Variants in RGMA observed in about 807,000 individuals in gnomAD.
RGMA encodes repulsive guidance molecule BMP co-receptor a.
Under a neutral mutation model 23.2 loss-of-function variants are expected in RGMA, and 10 were observed. The ratio of observed to expected loss-of-function variants is 0.43; its 90% CI spans 0.27 to 0.73. RGMA has a LOEUF of 0.73. Among genes scored for constraint, RGMA ranks in the 30% least tolerant of loss-of-function variants. The pLI, the probability that RGMA is intolerant of heterozygous loss-of-function variation, is 0.20. For synonymous variants in RGMA, 308 were observed against 279.3 expected, an observed-to-expected ratio of 1.10 and a Z score of -1.03; for missense variants, 547 against 630.5, an observed-to-expected ratio of 0.87 and a Z score of 1.42.
At chr15:93,047,354 T>C (rs1281851703) in intron 3 of RGMA, among the ~76,000 whole-genome samples, 2 of 152,164 alleles carry the variant, frequency 1.3e-5, no homozygotes, top group Non-Finnish European at 2.9e-5. Flanking sequence ...CCATGGGAGC[T>C]CTGGGTGCCT....
intron 2 of RGMA, among the ~76,000 whole-genome samples, chr15:93,071,858 A>T (rs1266182677): frequency 6.6e-6 from 1 of 152,074 alleles, no homozygotes; most frequent in East Asian, 1.9e-4. Context: ...ACAAGATGAA[A>T]TTTTTTCAAA....
intron 3 of RGMA, among the ~76,000 whole-genome samples, chr15:93,050,719 G>A (rs1014961333): frequency 2.0e-5 from 3 of 152,174 alleles, no homozygotes; most frequent in African/African-American, 2.4e-5. Context: ...CACCCCCTGG[G>A]GTCTGGAGGA....
In RGMA at chr15:93,044,972, C is replaced by CCG. The variant is rs1567177109; in HGVS notation, c.*24_*25dup. 2 of 1,556,628 alleles carry CCG rather than the reference C, an allele frequency of 1.3e-6. No homozygotes were observed. Among genetic ancestry groups the CCG allele is most frequent in the Admixed American group, 3.7e-5 (2 of 54,412 alleles). On this transcript the variant is annotated 3_prime_UTR_variant, in exon 4 of 4. Coordinates refer to ENST00000329082, the MANE Select transcript of RGMA (RefSeq NM_020211.3). ...CATGGGGAAGCCGAGAGGACGGAGC[C>CCG]CGCGCCTCCCTCCACATCTACGCGT...
In RGMA at chr15:93,038,569, G is replaced by GTTGTTGTTTTTTTTTTTTTTTT. The variant is rs1471553159; in HGVS notation, c.*6428_*6429insAAAAAAAAAAAAAAAACAACAA. On this transcript the variant is annotated 3_prime_UTR_variant, in exon 4 of 4. Coordinates refer to ENST00000329082, the MANE Select transcript of RGMA (RefSeq NM_020211.3). ...GCCTTAATGAACGAAACTGTTAGTT[G>GTTGTTGTTTTTTTTTTTTTTTT]TTTTTTTTTTTTTTTTGAGACGGTG... 1.0e-5 allele frequency: 1 copy of GTTGTTGTTTTTTTTTTTTTTTT among 100,224 alleles called. No individual in the cohort carries two copies. The highest frequency in any genetic ancestry group is 3.2e-5 in the African/African-American group (1 of 30,862). 6.2% of individuals were successfully genotyped at this position (100,224 alleles called of 1,614,324 possible).
chr15:93,049,095 G>A (rs1404422763), intron 3 of RGMA, among the ~76,000 whole-genome samples: 1 of 152,248 alleles, frequency 6.6e-6, no homozygotes, highest in Non-Finnish European at 1.5e-5. Flanking sequence ...TCGAAAGCTG[G>A]CGGCTCGCTG....
rs982203827 is a variant in RGMA, at chr15:93,045,541, C to T, written c.810G>A (p.Val270=). Reference sequence around the variant, plus strand: ...TGCCGATGTACTTGGCCTGGATCTCCACGTGCTGGCCTGACACCTTCTCAG... The same window carrying T: ...TGCCGATGTACTTGGCCTGGATCTCTACGTGCTGGCCTGACACCTTCTCAG... The part of the protein sequence containing the change: ...KITEKVSGQH[V]EIQAKYIGTT... The change falls in exon 4 of 4, where the codon GTG becomes GTA. Residue 270 remains valine (V), a synonymous_variant. Transcript: ENST00000329082. This position sits in a 1 kb window ranked among gnomAD's most constrained non-coding sequence, Gnocchi z 6.9. The T allele has an allele frequency of 6.2e-7, 1 of 1,613,200 alleles. No homozygotes were observed. The highest frequency in any genetic ancestry group is 8.5e-7 in the Non-Finnish European group (1 of 1,179,892).
Position 93,040,052 on chromosome 15 carries a change from T to A in RGMA, c.*4946A>T, listed in dbSNP as rs1218671376. ...GCAAGATCCTGTCTCTCCAAAAAAATTTAACAATTAGCCGGGTGTGACGGC... is the reference window on the plus strand; with the variant it reads ...GCAAGATCCTGTCTCTCCAAAAAAAATTAACAATTAGCCGGGTGTGACGGC... On this transcript the variant is annotated 3_prime_UTR_variant, in exon 4 of 4. Transcript: ENST00000329082. 1.3e-5 allele frequency: 2 copies of A among 152,044 alleles called. No individual in the cohort carries two copies. Among genetic ancestry groups the A allele is most frequent in the African/African-American group, 4.8e-5 (2 of 41,372 alleles). 9.4% of individuals were successfully genotyped at this position (152,044 alleles called of 1,614,324 possible). A position where few individuals can be genotyped will look rare whatever the true frequency, so the allele number is the denominator to read the frequency against.
chr15:93,051,012 G>A (rs2054909598), intron 3 of RGMA, among the ~76,000 whole-genome samples: 1 of 152,316 alleles, frequency 6.6e-6, no homozygotes, highest in African/African-American at 2.4e-5. Flanking sequence ...AGGGTGGAGT[G>A]TACCGGCTGC....
intron 3 of RGMA, among the ~76,000 whole-genome samples, chr15:93,049,101 C>A (rs186619564): frequency 0.012 from 1,793 of 152,320 alleles, 36 homozygotes; most frequent in African/African-American, 0.04. Flanking sequence ...GCTGGCGGCT[C>A]GCTGCCAACA....
At chr15:93,063,644 A>C (rs1239820097) in intron 2 of RGMA, among the ~76,000 whole-genome samples, 1 of 152,138 alleles carries the variant, frequency 6.6e-6, no homozygotes, top group African/African-American at 2.4e-5. Context: ...TTTAACCTAC[A>C]AGCAGCCAGA....
At chr15:93,072,819 G>C in intron 2 of RGMA, 97 bp downstream of exon 2, 1 of 1,349,514 alleles carries the variant, frequency 7.4e-7, no homozygotes, top group Non-Finnish European at 1.0e-6. Flanking sequence ...GAGGAGGTCC[G>C]GAGAACTTGA....
intron 1 of RGMA, among the ~76,000 whole-genome samples, chr15:93,078,052 T>C (rs574165135): frequency 1.0e-3 from 154 of 152,300 alleles, no homozygotes; most frequent in African/African-American, 3.6e-3. Context: ...GGTGAGCTTT[T>C]TGGGGAGTGA....
chr15:93,087,617 C>A (rs1349303149), intron 1 of RGMA, among the ~76,000 whole-genome samples: 1 of 152,112 alleles, frequency 6.6e-6, no homozygotes, highest in Non-Finnish European at 1.5e-5. Flanking sequence ...AAAATCCACC[C>A]AAGAAATCAC....
intron 2 of RGMA, among the ~76,000 whole-genome samples, chr15:93,053,821 C>T (rs1318519218): frequency 6.6e-6 from 1 of 152,228 alleles, no homozygotes; most frequent in Non-Finnish European, 1.5e-5. Context: ...GGGCTCCCCC[C>T]TTCACGTGAC....
At chr15:93,084,247 C>T (rs189882869) in intron 1 of RGMA, among the ~76,000 whole-genome samples, 47 of 152,316 alleles carry the variant, frequency 3.1e-4, no homozygotes, top group African/African-American at 8.9e-4. Context: ...ACACTGGCAA[C>T]ACATTTCTAA....
At chr15:93,073,695 T>G in intron 1 of RGMA, 1 of 1,537,236 alleles carries the variant, frequency 6.5e-7, no homozygotes, top group South Asian at 1.2e-5. Flanking sequence ...AGGATGGCTC[T>G]CTGCATCTCA....
At chr15:93,047,474 C>T (rs1334118760) in intron 3 of RGMA, among the ~76,000 whole-genome samples, 1 of 152,154 alleles carries the variant, frequency 6.6e-6, no homozygotes, top group Non-Finnish European at 1.5e-5. Flanking sequence ...GGACCTCCTG[C>T]TAAAATCCCA....
At chr15:93,067,760 G>A (rs572540403) in intron 2 of RGMA, among the ~76,000 whole-genome samples, 14 of 152,166 alleles carry the variant, frequency 9.2e-5, no homozygotes, top group Non-Finnish European at 2.1e-4. Flanking sequence ...GTCGGGGGCC[G>A]GGAGTTAGAG....
At chr15:93,073,572 C>A in intron 1 of RGMA, 2 of 1,532,476 alleles carry the variant, frequency 1.3e-6, no homozygotes, top group Non-Finnish European at 1.7e-6. Flanking sequence ...ACTTTCCAAC[C>A]AGACTGCCGA....
Sources: gnomAD v4.1 joint callset for allele counts (sites outside exome capture counted in the v4.1 genomes callset) on GRCh38, gnomAD v4.1.1 for gene constraint, Gnocchi (gnomAD v3.1) non-coding constraint, MANE v1.5 for transcripts, NCBI Gene and HGNC (gene_info 2026-07-23, HGNC 2026-07-21) for gene names.